ZNF804A: variants seen among roughly 807,000 people sequenced by gnomAD.
ZNF804A encodes the protein zinc finger protein 804A.
In ZNF804A, 2 loss-of-function variants were observed where a neutral mutation model predicts 16.5. The ratio of observed to expected loss-of-function variants is 0.12; its 90% CI spans 0.05 to 0.38. The LOEUF (loss-of-function observed/expected upper bound fraction) is 0.38. Ranked by LOEUF, ZNF804A falls within the 10% of genes least tolerant of loss-of-function variation. The probability of loss-of-function intolerance (pLI) is 0.99; values close to 1 mark genes in which losing one functional copy is unlikely to be tolerated. For synonymous variants in ZNF804A, 534 were observed against 489.6 expected (o/e 1.09, Z -1.20); for missense variants, 1,473 against 1,390.7 (o/e 1.06, Z -0.94).
chr2:184,929,475 A>G (rs575412092), intron 2 of ZNF804A, among the ~76,000 whole-genome samples: 1 of 152,076 alleles, frequency 6.6e-6, no homozygotes, highest in South Asian at 2.1e-4. Context: ...TGTATTATAT[A>G]TGTTTATATA....
intron 1 of ZNF804A, among the ~76,000 whole-genome samples, chr2:184,682,090 T>C (rs1692551553): frequency 6.6e-6 from 1 of 152,206 alleles, no homozygotes; most frequent in Non-Finnish European, 1.5e-5. Context: ...CAGTGAGGGC[T>C]GAGTCTTCGC....
chr2:184,651,509 C>A (rs1224550766), intron 1 of ZNF804A, among the ~76,000 whole-genome samples: 2 of 152,034 alleles, frequency 1.3e-5, no homozygotes, highest in Non-Finnish European at 2.9e-5. Flanking sequence ...AGACAACCTA[C>A]ACAATGGGAG....
intron 1 of ZNF804A, among the ~76,000 whole-genome samples, chr2:184,749,931 C>A (rs1693853768): frequency 6.6e-6 from 1 of 151,198 alleles, no homozygotes; most frequent in Non-Finnish European, 1.5e-5. Flanking sequence ...GATAATAATT[C>A]TTACTGCTGT....
intron 1 of ZNF804A, among the ~76,000 whole-genome samples, chr2:184,824,176 A>G (rs192171875): frequency 6.6e-6 from 1 of 152,256 alleles, no homozygotes; most frequent in East Asian, 1.9e-4. Flanking sequence ...ACAGCTGGTT[A>G]TGTTCAATGC....
intron 1 of ZNF804A, among the ~76,000 whole-genome samples, chr2:184,818,132 G>A (rs570311349): frequency 1.3e-5 from 2 of 151,922 alleles, no homozygotes; most frequent in South Asian, 4.1e-4. Context: ...TGAAATTAAA[G>A]ACAAAATATT....
intron 1 of ZNF804A, among the ~76,000 whole-genome samples, chr2:184,759,424 T>C (rs1201449012): frequency 6.6e-6 from 1 of 151,830 alleles, no homozygotes; most frequent in Non-Finnish European, 1.5e-5. Flanking sequence ...GAAAAACTTA[T>C]GAAGAGTAAA....
At chr2:184,636,694 T>C (rs1436270262) in intron 1 of ZNF804A, among the ~76,000 whole-genome samples, 1 of 152,024 alleles carries the variant, frequency 6.6e-6, no homozygotes, top group Non-Finnish European at 1.5e-5. Flanking sequence ...CTTTTTTTTG[T>C]CTTCAAATCA....
At chr2:184,674,252 C>T (rs1692385235) in intron 1 of ZNF804A, among the ~76,000 whole-genome samples, 1 of 151,650 alleles carries the variant, frequency 6.6e-6, no homozygotes, top group African/African-American at 2.4e-5. Context: ...TGTCATTATC[C>T]CTCTTTTCTT....
intron 1 of ZNF804A, among the ~76,000 whole-genome samples, chr2:184,610,544 G>A (rs1376882425): frequency 6.6e-6 from 1 of 151,894 alleles, no homozygotes; most frequent in African/African-American, 2.4e-5. Context: ...ACAAAAAGAT[G>A]GAATTATATG....
chr2:184,742,004 C>G (rs1693715701), intron 1 of ZNF804A, among the ~76,000 whole-genome samples: 1 of 151,906 alleles, frequency 6.6e-6, no homozygotes, highest in Admixed American at 6.6e-5. Flanking sequence ...TTTATATATT[C>G]AGTCTAATTT....
At chr2:184,712,102 G>A (rs116095598) in intron 1 of ZNF804A, among the ~76,000 whole-genome samples, 6 of 151,614 alleles carry the variant, frequency 4.0e-5, no homozygotes, top group Non-Finnish European at 7.4e-5. Flanking sequence ...ACAAACATGG[G>A]ATGTCTTTTT....
chr2:184,929,006 C>T (rs984658674), intron 2 of ZNF804A, among the ~76,000 whole-genome samples: 1 of 152,192 alleles, frequency 6.6e-6, no homozygotes, highest in African/African-American at 2.4e-5. Context: ...GTACTGTGAA[C>T]ACTCACTTCA....
At chr2:184,769,118 C>T (rs927634140) in intron 1 of ZNF804A, among the ~76,000 whole-genome samples, 3 of 152,000 alleles carry the variant, frequency 2.0e-5, no homozygotes, top group Admixed American at 2.0e-4. Context: ...ATCACATTGC[C>T]TCTGCTTCAC....
intron 1 of ZNF804A, among the ~76,000 whole-genome samples, chr2:184,638,366 C>T (rs1403577484): frequency 6.6e-6 from 1 of 152,104 alleles, no homozygotes. Context: ...TGGTCTACCT[C>T]TGATGCAACA....
At chr2:184,679,968 C>T (rs1263991615) in intron 1 of ZNF804A, among the ~76,000 whole-genome samples, 1 of 152,148 alleles carries the variant, frequency 6.6e-6, no homozygotes, top group Non-Finnish European at 1.5e-5. Context: ...AGAGTAAGAA[C>T]TTATGGTGCT....
chr2:184,608,742 A>AGG (rs147680458), intron 1 of ZNF804A, among the ~76,000 whole-genome samples: 1,702 of 152,298 alleles, frequency 0.011, 20 homozygotes, highest in Non-Finnish European at 0.02. Flanking sequence ...AAGAGAAGGT[A>AGG]GGAGGACAAG....
intron 1 of ZNF804A, among the ~76,000 whole-genome samples, chr2:184,621,671 A>G (rs1217239895): frequency 1.3e-5 from 2 of 151,780 alleles, no homozygotes; most frequent in African/African-American, 4.8e-5. Context: ...AGTAGGATGC[A>G]TGTACCCCAA....
intron 2 of ZNF804A, among the ~76,000 whole-genome samples, chr2:184,872,387 A>G (rs1182339301): frequency 1.3e-5 from 2 of 152,154 alleles, no homozygotes; most frequent in Non-Finnish European, 2.9e-5. Flanking sequence ...AAACAAAGCT[A>G]TCATTATATT....
At chr2:184,914,079 GATC>G (rs1182117294) in intron 2 of ZNF804A, among the ~76,000 whole-genome samples, 1 of 152,178 alleles carries the variant, frequency 6.6e-6, no homozygotes. Flanking sequence ...GTGGGATGCA[GATC>G]AGAGGCTGGA....
Sources: allele counts gnomAD v4.1 joint callset (sites outside exome capture counted in the v4.1 genomes callset), GRCh38; gene constraint gnomAD v4.1.1; transcripts MANE v1.5; gene names NCBI Gene and HGNC (gene_info 2026-07-23, HGNC 2026-07-21).